RFX3: variants seen among roughly 807,000 people sequenced by gnomAD.
RFX3 encodes transcription factor RFX3.
A neutral mutation model predicts 98.6 loss-of-function variants in RFX3; 14 were observed. The ratio of observed to expected loss-of-function variants is 0.14; its 90% CI spans 0.09 to 0.22. The LOEUF is 0.22. RFX3 is among the 10% of genes least tolerant of loss of function. The pLI, the probability that RFX3 is intolerant of heterozygous loss-of-function variation, is 1.00. For synonymous variants in RFX3, 383 were observed against 328.4 expected (o/e 1.17, Z -1.80); for missense variants, 639 against 926.9 (o/e 0.69, Z 4.03).
chr9:3,282,695 T>C (rs1248009451), intron 7 of RFX3, among the ~76,000 whole-genome samples: 1 of 151,778 alleles, frequency 6.6e-6, no homozygotes, highest in Admixed American at 6.6e-5. Flanking sequence ...ATATTCTTGC[T>C]ACAAGTATGC....
intron 1 of RFX3, among the ~76,000 whole-genome samples, chr9:3,509,942 G>A (rs538948927): frequency 6.6e-6 from 1 of 151,904 alleles, no homozygotes; most frequent in Non-Finnish European, 1.5e-5. Flanking sequence ...TGGGGAGGAG[G>A]AAGGAGGGGT....
intron 6 of RFX3, among the ~76,000 whole-genome samples, 176 bp from the exon 7 acceptor site, chr9:3,288,426 G>A (rs1338639358): frequency 6.6e-6 from 1 of 151,958 alleles, no homozygotes; most frequent in Non-Finnish European, 1.5e-5. Flanking sequence ...GATAAAATTT[G>A]AAGAATCAAA....
chr9:3,267,135 G>C (rs1023363525), intron 11 of RFX3, among the ~76,000 whole-genome samples: 6 of 151,948 alleles, frequency 3.9e-5, no homozygotes, highest in African/African-American at 1.4e-4. Flanking sequence ...GTAGGAGACA[G>C]AATACTTTCC....
At chr9:3,316,454 G>C (rs1186180006) in intron 4 of RFX3, among the ~76,000 whole-genome samples, 1 of 152,134 alleles carries the variant, frequency 6.6e-6, no homozygotes, top group Admixed American at 6.5e-5. Context: ...CATTCCCTTT[G>C]AAAACTGGCA....
intron 2 of RFX3, among the ~76,000 whole-genome samples, chr9:3,366,709 TC>T (rs1563994058): frequency 6.3e-5 from 8 of 127,962 alleles, no homozygotes; most frequent in African/African-American, 2.4e-4. Flanking sequence ...TTTCTTTCTT[TC>T]TTTCTTTCTT....
chr9:3,354,920 G>C (rs897542169), intron 2 of RFX3, among the ~76,000 whole-genome samples: 3 of 151,544 alleles, frequency 2.0e-5, no homozygotes, highest in Non-Finnish European at 4.4e-5. Context: ...ATGCCTAGTG[G>C]GGCTTACAAC....
chr9:3,248,091 A>C lies in RFX3; in HGVS notation c.1909T>G (p.Leu637Val). The change falls in exon 15 of 17, where the codon TTA (leucine) becomes GTA (valine). Residue 637 changes from leucine (L) to valine (V), a missense_variant. Leu to Val is a conservative substitution (Grantham distance 32, BLOSUM62 1). This residue lies in a region of RFX3 where 138 missense variants were observed against 308.9 expected (regional missense o/e 0.45). Transcript: ENST00000617270. ...GCCTGAGCAACACGATGTTCTACTA[A>C]GTAAAACATATATTCGTCGTAGAGT... is the stretch of plus-strand genomic sequence containing the variant. ...RLLYDEYMFYLVEHRVAQATG... is the reference protein window; with the variant it reads ...RLLYDEYMFYVVEHRVAQATG... The C allele has an allele frequency of 6.2e-7, 1 of 1,614,056 alleles. No homozygotes were observed. The highest frequency in any genetic ancestry group is 8.5e-7 in the Non-Finnish European group (1 of 1,179,928).
intron 2 of RFX3, among the ~76,000 whole-genome samples, chr9:3,394,171 A>G (rs1840610437): frequency 6.6e-6 from 1 of 152,146 alleles, no homozygotes; most frequent in South Asian, 2.1e-4. Flanking sequence ...TTTAAAAAAT[A>G]AACACAAAAT....
chr9:3,427,552 A>G (rs2132473597), intron 1 of RFX3, among the ~76,000 whole-genome samples: 1 of 150,394 alleles, frequency 6.6e-6, no homozygotes, highest in East Asian at 1.9e-4. Flanking sequence ...GGATTCTGCT[A>G]TGATCCTCTG....
At chr9:3,406,369 T>C (rs1841973387) in intron 1 of RFX3, among the ~76,000 whole-genome samples, 2 of 151,870 alleles carry the variant, frequency 1.3e-5, no homozygotes, top group Admixed American at 6.6e-5. Flanking sequence ...AAATCCTACT[T>C]TCCCGTGATA....
rs1841677084 is a variant in RFX3, at chr9:3,403,543, G to T, written c.-8-7947C>A. Among the ~76,000 whole-genome samples the T allele has an allele frequency of 2.0e-5, 3 of 152,062 alleles. No homozygotes were observed. The South Asian group carries it at 6.2e-4, about 32-fold the overall frequency. ...AATCAGCACACTGGTAACATATACA[G>T]GTTGGCTGAGTAACTTTTTTCACTT... On this transcript the variant is annotated intron_variant, in intron 1 of 16. Transcript: ENST00000617270.
At chr9:3,335,607 C>G (rs936798782) in intron 3 of RFX3, among the ~76,000 whole-genome samples, 1 of 152,156 alleles carries the variant, frequency 6.6e-6, no homozygotes, top group African/African-American at 2.4e-5. Flanking sequence ...AATGATACTG[C>G]TGTGTTCATT....
At chr9:3,524,547 TGAG>T (rs761021087) in intron 1 of RFX3, 79 of 976,294 alleles carry the variant, frequency 8.1e-5, no homozygotes, top group Middle Eastern at 5.3e-4. Flanking sequence ...CAAAGGAAAA[TGAG>T]GAGATTAAAA....
At chr9:3,473,053 T>C (rs1564147297) in intron 1 of RFX3, among the ~76,000 whole-genome samples, 1 of 152,288 alleles carries the variant, frequency 6.6e-6, no homozygotes, top group African/African-American at 2.4e-5. Context: ...ATCTAGAATG[T>C]TGCTGAGGAG....
chr9:3,316,332 A>G (rs1258101379), intron 4 of RFX3, among the ~76,000 whole-genome samples: 1 of 152,214 alleles, frequency 6.6e-6, no homozygotes, highest in African/African-American at 2.4e-5. Flanking sequence ...ATGGCCCTTC[A>G]TGCTAAAAAA....
chr9:3,366,632 CT>C (rs33909831), intron 2 of RFX3, among the ~76,000 whole-genome samples: 5,315 of 145,326 alleles, frequency 0.037, 430 homozygotes, highest in African/African-American at 0.13. Context: ...ATTTTCTTTT[CT>C]TTTTTTTTTC....
At chr9:3,524,556 T>TA (rs577224517) in intron 1 of RFX3, 82,108 of 688,192 alleles carry the variant, frequency 0.12, no homozygotes, top group Non-Finnish European at 0.13. Flanking sequence ...ATGAGGAGAT[T>TA]AAAAAAAAAA....
At chr9:3,504,529 A>G in intron 1 of RFX3, among the ~76,000 whole-genome samples, 1 of 133,372 alleles carries the variant, frequency 7.5e-6, no homozygotes, top group Non-Finnish European at 1.5e-5. Context: ...TAAAATATAT[A>G]TTATATGCCA....
intron 14 of RFX3, 100 bp from the exon 15 acceptor site, chr9:3,248,285 T>C (rs1820943540): frequency 4.3e-6 from 6 of 1,407,200 alleles, no homozygotes; most frequent in South Asian, 3.0e-5. Flanking sequence ...TGGGAGTCTA[T>C]ATGGTTGGTA....
Sources: gnomAD v4.1 joint callset for allele counts (sites outside exome capture counted in the v4.1 genomes callset) on GRCh38, gnomAD v4.1.1 for gene constraint, gnomAD v4.1.1 regional missense constraint, MANE v1.5 for transcripts, NCBI Gene and HGNC (gene_info 2026-07-23, HGNC 2026-07-21) for gene names.